RALGPS1: variants seen among roughly 807,000 people sequenced by gnomAD.
RALGPS1 encodes the protein ras-specific guanine nucleotide-releasing factor RalGPS1.
RALGPS1 carries 19 observed loss-of-function variants against 78.8 expected under a neutral mutation model. The ratio of observed to expected loss-of-function variants is 0.24; its 90% CI spans 0.17 to 0.35. The LOEUF (loss-of-function observed/expected upper bound fraction) is 0.35. RALGPS1 is among the 10% of genes least tolerant of loss of function. The pLI, the probability that RALGPS1 is intolerant of heterozygous loss-of-function variation, is 1.00. For synonymous variants in RALGPS1, 228 were observed against 256.3 expected (o/e 0.89, Z 1.06); for missense variants, 454 against 688.3 (o/e 0.66, Z 3.81).
At chr9:127,163,067 TC>T (rs1228627069) in intron 8 of RALGPS1, among the ~76,000 whole-genome samples, 1 of 152,056 alleles carries the variant, frequency 6.6e-6, no homozygotes, top group African/African-American at 2.4e-5. Context: ...AAGTTGCCTT[TC>T]CCCCCATCCT....
chr9:127,113,858 C>A (rs1243958548), intron 8 of RALGPS1, among the ~76,000 whole-genome samples: 1 of 152,206 alleles, frequency 6.6e-6, no homozygotes, highest in South Asian at 2.1e-4. Flanking sequence ...GGCCACACAT[C>A]ATGTGTCCGC....
At chr9:127,063,343 G>T (rs376620072) in intron 7 of RALGPS1, among the ~76,000 whole-genome samples, 17 of 152,264 alleles carry the variant, frequency 1.1e-4, no homozygotes, top group African/African-American at 3.4e-4. Flanking sequence ...CCTGGCTTTT[G>T]ACCTCGTGGT....
At chr9:127,046,467 A>G (rs1240082318) in intron 5 of RALGPS1, among the ~76,000 whole-genome samples, 1 of 152,168 alleles carries the variant, frequency 6.6e-6, no homozygotes, top group Non-Finnish European at 1.5e-5. Context: ...TATACCTTAA[A>G]CATCTTGAAA....
At chr9:127,021,463 A>G (rs1314704903) in intron 4 of RALGPS1, among the ~76,000 whole-genome samples, 5 of 149,282 alleles carry the variant, frequency 3.3e-5, no homozygotes, top group Non-Finnish European at 5.9e-5. Flanking sequence ...GCACCATTGC[A>G]CTCCAGCCTG....
In RALGPS1 at chr9:127,052,951, T is replaced by C. The variant is rs771146416; in HGVS notation, c.483+12T>C. 1.3e-6 allele frequency: 2 copies of C among 1,526,590 alleles called. No individual in the cohort carries two copies. The highest frequency in any genetic ancestry group is 2.3e-5 in the South Asian group (2 of 88,680). The allele number at this position is 1,526,590 out of a possible 1,614,324, so 94.6% of individuals were successfully genotyped here. On this transcript the variant is annotated intron_variant, in intron 7 of 18. Transcript: ENST00000259351. The stretch of plus-strand genomic sequence containing the variant: ...CAAAAACCTGGGCTGTAAGTTAATC[T>C]CCCTAAGTCTATCTAATTTTGGCTA...
intron 8 of RALGPS1, among the ~76,000 whole-genome samples, chr9:127,165,197 G>A (rs2059231576): frequency 6.6e-6 from 1 of 152,244 alleles, no homozygotes; most frequent in African/African-American, 2.4e-5. Context: ...CTGCCAGTGT[G>A]GTGGGCACAA....
At chr9:127,050,234 G>C in intron 6 of RALGPS1, 102 bp downstream of exon 6, 1 of 960,084 alleles carries the variant, frequency 1.0e-6, no homozygotes, top group Non-Finnish European at 1.6e-6. Flanking sequence ...CTTTGCTGTG[G>C]GCCTGCCAGG....
chr9:127,164,292 G>T (rs1447040715), intron 8 of RALGPS1, among the ~76,000 whole-genome samples: 1 of 151,226 alleles, frequency 6.6e-6, no homozygotes, highest in Non-Finnish European at 1.5e-5. Context: ...CTGGAGTGCA[G>T]TGGCCCAATC....
intron 4 of RALGPS1, among the ~76,000 whole-genome samples, chr9:126,990,457 G>A (rs780267269): frequency 5.3e-5 from 8 of 152,154 alleles, no homozygotes; most frequent in Non-Finnish European, 1.0e-4. Context: ...ATGCAGATCC[G>A]CCTTCATGCA....
intron 4 of RALGPS1, among the ~76,000 whole-genome samples, chr9:127,024,661 A>G (rs2045810472): frequency 6.6e-6 from 1 of 152,076 alleles, no homozygotes; most frequent in African/African-American, 2.4e-5. Flanking sequence ...GGCCATTCAA[A>G]AGAGAATATG....
chr9:127,057,193 G>A (rs772959467), intron 7 of RALGPS1, among the ~76,000 whole-genome samples: 3 of 152,186 alleles, frequency 2.0e-5, no homozygotes, highest in Non-Finnish European at 4.4e-5. Flanking sequence ...AGAGAATCAG[G>A]CTGGGCACAG....
At chr9:126,915,154 C>CAGGG in intron 1 of RALGPS1, 179 bp downstream of exon 1, 1 of 130,822 alleles carries the variant, frequency 7.6e-6, no homozygotes, top group Non-Finnish European at 1.6e-5. Context: ...GGGCCGGGGC[C>CAGGG]GTGCCTGCGG....
In RALGPS1 at chr9:127,151,026, C is replaced by CA. The variant is rs528003559; in HGVS notation, c.611-15035dup. ...GTGAAACCCTGTCTTTACTACAATA[C>CA]AAAAAAAATTAGCTGGGTATGGTGG... On this transcript the variant is annotated intron_variant, in intron 8 of 18. Transcript: ENST00000259351. 4.6e-5 allele frequency among the ~76,000 whole-genome samples: 7 copies of CA among 151,648 alleles called. No individual in the cohort carries two copies. In the South Asian group the frequency reaches 1.0e-3, roughly 23 times the overall value.
intron 7 of RALGPS1, among the ~76,000 whole-genome samples, chr9:127,055,432 G>A (rs745553814): frequency 2.6e-5 from 4 of 152,170 alleles, no homozygotes; most frequent in Non-Finnish European, 5.9e-5. Flanking sequence ...TGCCCAGGCT[G>A]GTCTCAAACT....
chr9:127,092,903 A>G (rs1211849363), intron 8 of RALGPS1, among the ~76,000 whole-genome samples: 1 of 152,160 alleles, frequency 6.6e-6, no homozygotes, highest in Admixed American at 6.5e-5. Context: ...GCAAGGCATC[A>G]TGGCTTCAGG....
intron 8 of RALGPS1, among the ~76,000 whole-genome samples, chr9:127,096,442 A>G (rs2053150873): frequency 6.6e-6 from 1 of 152,152 alleles, no homozygotes; most frequent in Non-Finnish European, 1.5e-5. Context: ...CCAGCCTCTT[A>G]CTGCACAGCT....
intron 8 of RALGPS1, among the ~76,000 whole-genome samples, chr9:127,097,341 A>G (rs760616776): frequency 2.0e-5 from 3 of 152,256 alleles, no homozygotes; most frequent in Non-Finnish European, 4.4e-5. Context: ...CAAATTGTGT[A>G]GAAATGTTTA....
At chr9:127,068,610 A>C (rs1476486858) in intron 7 of RALGPS1, among the ~76,000 whole-genome samples, 1 of 152,290 alleles carries the variant, frequency 6.6e-6, no homozygotes, top group Non-Finnish European at 1.5e-5. Context: ...AGGGAAGGCA[A>C]ACCCTAAAAT....
intron 1 of RALGPS1, among the ~76,000 whole-genome samples, chr9:126,949,670 T>C (rs2037622859): frequency 6.6e-6 from 1 of 152,236 alleles, no homozygotes; most frequent in African/African-American, 2.4e-5. Flanking sequence ...GTTTGTTTTT[T>C]TCGTGTAAAT....
Sources: allele counts gnomAD v4.1 joint callset (sites outside exome capture counted in the v4.1 genomes callset), GRCh38; gene constraint gnomAD v4.1.1; transcripts MANE v1.5; gene names NCBI Gene and HGNC (gene_info 2026-07-23, HGNC 2026-07-21).